Variants in STAM2 observed in about 807,000 individuals in gnomAD.
The protein encoded by STAM2 is signal transducing adapter molecule 2.
STAM2 carries 51 observed loss-of-function variants against 65.6 expected under a neutral mutation model. That is an observed-to-expected ratio of 0.78 (90% CI 0.62 to 0.98). The LOEUF (loss-of-function observed/expected upper bound fraction) is 0.98. STAM2 is among the 50% of genes least tolerant of loss of function. The pLI, the probability that STAM2 is intolerant of heterozygous loss-of-function variation, is 0.00. For missense variants in STAM2, 584 were observed against 617.8 expected, an observed-to-expected ratio of 0.95 and a Z score of 0.58; for synonymous variants, 198 against 208.4, an observed-to-expected ratio of 0.95 and a Z score of 0.43.
chr2:152,144,589 A>T, intron 6 of STAM2: 1 of 244,686 alleles, frequency 4.1e-6, no homozygotes, highest in South Asian at 8.1e-5. Flanking sequence ...GCCAGGCTGG[A>T]GCACAGTGGT....
intron 1 of STAM2, among the ~76,000 whole-genome samples, chr2:152,170,566 C>A (rs960521050): frequency 1.3e-5 from 2 of 151,750 alleles, no homozygotes; most frequent in Non-Finnish European, 2.9e-5. Context: ...TCTGTAGGTG[C>A]AAGAAATTGA....
intron 1 of STAM2, among the ~76,000 whole-genome samples, chr2:152,167,304 G>T (rs1689805618): frequency 6.6e-6 from 1 of 152,174 alleles, no homozygotes; most frequent in South Asian, 2.1e-4. Flanking sequence ...GTGCTATAGG[G>T]ACAGAGAGGT....
chr2:152,142,971 G>C (rs1349679143), intron 7 of STAM2, among the ~76,000 whole-genome samples: 1 of 152,108 alleles, frequency 6.6e-6, no homozygotes, highest in Non-Finnish European at 1.5e-5. Flanking sequence ...GTGTAAATCT[G>C]CTATCTGGGC....
intron 8 of STAM2, 86 bp downstream of exon 8, chr2:152,135,423 C>A: frequency 1.1e-6 from 1 of 925,458 alleles, no homozygotes; most frequent in South Asian, 1.4e-5. Context: ...AGTTAAATGC[C>A]AATCTACTTT....
At chr2:152,124,291 A>C (rs1477201322) in intron 12 of STAM2, 1 of 182,074 alleles carries the variant, frequency 5.5e-6, no homozygotes, top group Non-Finnish European at 1.2e-5. Flanking sequence ...GAAGCCCACC[A>C]TCACTTAAAG....
At chr2:152,122,104 G>A (rs905399494) in intron 13 of STAM2, among the ~76,000 whole-genome samples, 15 of 147,978 alleles carry the variant, frequency 1.0e-4, no homozygotes, top group Non-Finnish European at 1.6e-4. Context: ...GTGTGTGTGT[G>A]TATACACATA....
chr2:152,122,074 A>ATG (rs1255769897), intron 13 of STAM2, among the ~76,000 whole-genome samples: 653 of 135,584 alleles, frequency 4.8e-3, no homozygotes, highest in African/African-American at 7.1e-3. Flanking sequence ...ATATATATAT[A>ATG]TATGTGTGTG....
rs562751023 is a variant in STAM2 at position 152,126,609 on chromosome 2, G to A, written c.1026-230C>T. 6.6e-5 allele frequency among the ~76,000 whole-genome samples: 10 copies of A among 152,260 alleles called. No homozygotes were observed. The East Asian group carries it at 1.9e-3, about 29-fold the overall frequency. ...TAGGGTCTGGAGGCAGGGAATCTAA[G>A]GCTGATTTTCAAGCTGACTTCTTAT... On this transcript the variant is annotated intron_variant, in intron 11 of 13. Coordinates refer to ENST00000263904, the MANE Select transcript of STAM2 (RefSeq NM_005843.6).
Position 152,126,381 on chromosome 2 carries a change from T to C in STAM2, c.1026-2A>G. On this transcript the variant is annotated splice_acceptor_variant, in intron 11 of 13. Coordinates refer to ENST00000263904, the MANE Select transcript of STAM2 (RefSeq NM_005843.6). LOFTEE classifies it high-confidence loss of function. ...AATTCAGACAATTCTGAATGCTTCCTGATGTAGAAGAAAAGTATTATAATA... is the reference window on the plus strand; with the variant it reads ...AATTCAGACAATTCTGAATGCTTCCCGATGTAGAAGAAAAGTATTATAATA... 3 of 1,534,532 alleles carry C rather than the reference T, an allele frequency of 2.0e-6. No individual in the cohort carries two copies. Among genetic ancestry groups the C allele is most frequent in the Non-Finnish European group, 1.8e-6 (2 of 1,142,836 alleles).
At chr2:152,174,483 T>C (rs1689971996) in intron 1 of STAM2, among the ~76,000 whole-genome samples, 1 of 152,206 alleles carries the variant, frequency 6.6e-6, no homozygotes, top group East Asian at 1.9e-4. Context: ...TATTTACATA[T>C]ATTATTTGAC....
chr2:152,153,829 G>A (rs1219937400), intron 1 of STAM2, among the ~76,000 whole-genome samples: 2 of 150,282 alleles, frequency 1.3e-5, no homozygotes, highest in Non-Finnish European at 3.0e-5. Context: ...CTAATTCTAC[G>A]AATCCTTTTT....
Position 152,132,921 on chromosome 2 carries a change from T to G in STAM2, c.970+252A>C, listed in dbSNP as rs1435013440. ...TGTTATTTTTAATTCTGTCCTTTTT[T>G]GGACTGCAAAAATCTTCAGCCAATT... On this transcript the variant is annotated intron_variant, in intron 10 of 13. Transcript: ENST00000263904. 2.0e-5 allele frequency among the ~76,000 whole-genome samples: 3 copies of G among 152,138 alleles called. No individual in the cohort carries two copies. In the East Asian group the frequency reaches 5.8e-4, roughly 29 times the overall value.
chr2:152,173,950 T>C (rs1689957813), intron 1 of STAM2, among the ~76,000 whole-genome samples: 1 of 152,236 alleles, frequency 6.6e-6, no homozygotes, highest in African/African-American at 2.4e-5. Flanking sequence ...CTCTGGCTTA[T>C]GGCACTGGCC....
In STAM2 at chr2:152,175,666, C is replaced by T; in HGVS notation, c.-24G>A. 2 of 1,604,850 alleles carry T rather than the reference C, an allele frequency of 1.2e-6. No individual in the cohort carries two copies. Among genetic ancestry groups the T allele is most frequent in the East Asian group, 2.3e-5 (1 of 44,302 alleles). ...ATCTCGCCGGCGCCCGAGCCCTAGT[C>T]GCTGCTGTCTAGCTGACACTCAGCA... On this transcript the variant is annotated 5_prime_UTR_variant, in exon 1 of 14. Transcript: ENST00000263904.
chr2:152,145,812 C>T (rs1280516825), intron 5 of STAM2, among the ~76,000 whole-genome samples: 1 of 152,202 alleles, frequency 6.6e-6, no homozygotes, highest in African/African-American at 2.4e-5. Flanking sequence ...TAATAAACAG[C>T]ATGTAAGACA....
In STAM2 at chr2:152,133,229, T is replaced by C. The variant is rs140050620; in HGVS notation, c.914A>G (p.Gln305Arg). 3.7e-6 allele frequency: 6 copies of C among 1,610,558 alleles called. No homozygotes were observed. The African/African-American group carries it at 5.3e-5, about 14-fold the overall frequency. ...DKMDRALQVL[Q>R]SIDPTDSKPD... ...TTTTGAATCTGTTGGATCTATACTC[T>C]GAAGTACCTGCAGGGCTCTATCCAT... Residue 305 changes from glutamine (Q) to arginine (R), a missense_variant, in exon 10 of 14, where the codon CAG (glutamine) becomes CGG (arginine). Gln to Arg is a conservative substitution (Grantham distance 43). Coordinates refer to ENST00000263904, the MANE Select transcript of STAM2 (RefSeq NM_005843.6).
At chr2:152,170,852 C>A (rs1051330533) in intron 1 of STAM2, among the ~76,000 whole-genome samples, 1 of 151,946 alleles carries the variant, frequency 6.6e-6, no homozygotes, top group Non-Finnish European at 1.5e-5. Flanking sequence ...CAAAATTAGC[C>A]GAGCATGGTG....
At chr2:152,147,545 C>T (rs1241448877) in intron 4 of STAM2, among the ~76,000 whole-genome samples, 3 of 152,208 alleles carry the variant, frequency 2.0e-5, no homozygotes, top group South Asian at 2.1e-4. Flanking sequence ...ACTATAATGA[C>T]AACAGATCTT....
chr2:152,175,248 A>C (rs1277794541), intron 1 of STAM2, among the ~76,000 whole-genome samples: 1 of 152,206 alleles, frequency 6.6e-6, no homozygotes, highest in Non-Finnish European at 1.5e-5. Flanking sequence ...TGGGGCAAAG[A>C]CGGAGGTAAC....
Sources: gnomAD v4.1 joint callset for allele counts (sites outside exome capture counted in the v4.1 genomes callset) on GRCh38, gnomAD v4.1.1 for gene constraint, MANE v1.5 for transcripts, NCBI Gene and HGNC (gene_info 2026-07-23, HGNC 2026-07-21) for gene names.